AKR1C8: variants seen among roughly 807,000 people sequenced by gnomAD.
AKR1C8 encodes aldo-keto reductase family 1 member C-like protein 1.
the AKR1C8 span, among the ~76,000 whole-genome samples, chr10:5,167,742 C>A: frequency 2.0e-5 from 3 of 151,498 alleles, no homozygotes; most frequent in Non-Finnish European, 4.4e-5. Flanking sequence ...AAGTAACCTG[C>A]ACATTGTGCA....
At chr10:5,123,813 C>T in the AKR1C8 span, 150 of 1,611,476 alleles carry the variant, frequency 9.3e-5, no homozygotes, top group Middle Eastern at 1.2e-3. Context: ...GTAAGGATGA[C>T]ATTCCACCTG....
the AKR1C8 span, among the ~76,000 whole-genome samples, chr10:5,164,327 C>T: frequency 2.0e-5 from 3 of 152,206 alleles, no homozygotes; most frequent in Non-Finnish European, 4.4e-5. Flanking sequence ...CCCCTCTCTA[C>T]TATAGAGAGC....
chr10:5,177,032 G>C, the AKR1C8 span, among the ~76,000 whole-genome samples: 1 of 151,972 alleles, frequency 6.6e-6, no homozygotes, highest in Non-Finnish European at 1.5e-5. Flanking sequence ...GGAGTGGTAA[G>C]AGAGGGCATC....
the AKR1C8 span, among the ~76,000 whole-genome samples, chr10:5,176,502 C>G: frequency 6.7e-6 from 1 of 149,850 alleles, no homozygotes; most frequent in African/African-American, 2.5e-5. Flanking sequence ...TAGTTTTTTC[C>G]AATTCTGTGA....
At chr10:5,117,196 C>A in the AKR1C8 span, among the ~76,000 whole-genome samples, 1 of 151,718 alleles carries the variant, frequency 6.6e-6, no homozygotes, top group African/African-American at 2.4e-5. Context: ...TACAAAATAG[C>A]CACATTTAAT....
chr10:5,185,070 C>T, the AKR1C8 span: 2 of 534,760 alleles, frequency 3.7e-6, no homozygotes, highest in Non-Finnish European at 7.7e-6. Flanking sequence ...ATCATTCAGC[C>T]TCACTGAATG....
chr10:5,152,806 C>T, the AKR1C8 span, among the ~76,000 whole-genome samples: 1 of 151,948 alleles, frequency 6.6e-6, no homozygotes, highest in African/African-American at 2.4e-5. Flanking sequence ...TTTCATTGGC[C>T]CTTCAGAGTG....
the AKR1C8 span, among the ~76,000 whole-genome samples, chr10:5,155,983 C>A: frequency 6.6e-6 from 1 of 152,158 alleles, no homozygotes; most frequent in Non-Finnish European, 1.5e-5. Flanking sequence ...GGCTCCACTT[C>A]TCAAAAGAAA....
chr10:5,167,477 C>T, the AKR1C8 span, among the ~76,000 whole-genome samples: 1 of 152,150 alleles, frequency 6.6e-6, no homozygotes, highest in Non-Finnish European at 1.5e-5. Flanking sequence ...AGTTCATGTC[C>T]TTTGTAGGGA....
chr10:5,143,654 A>C, the AKR1C8 span, among the ~76,000 whole-genome samples: 1 of 150,226 alleles, frequency 6.7e-6, no homozygotes, highest in South Asian at 2.1e-4. Context: ...ACATGTATAT[A>C]TAATACATGT....
the AKR1C8 span, among the ~76,000 whole-genome samples, chr10:5,122,569 A>G: frequency 2.1e-3 from 320 of 152,254 alleles, no homozygotes; most frequent in African/African-American, 7.3e-3. Flanking sequence ...AGACTGAGCA[A>G]CCCTTAAAAC....
chr10:5,184,937 G>A, the AKR1C8 span: 1 of 499,812 alleles, frequency 2.0e-6, no homozygotes, highest in Non-Finnish European at 4.1e-6. Context: ...CTACCCAAGT[G>A]CAGGGCTCTT....
the AKR1C8 span, among the ~76,000 whole-genome samples, chr10:5,156,925 G>A: frequency 6.6e-6 from 1 of 152,230 alleles, no homozygotes; most frequent in East Asian, 1.9e-4. Flanking sequence ...ATTCTTGTGG[G>A]ATTCAAAACA....
At chr10:5,119,086 C>A in the AKR1C8 span, among the ~76,000 whole-genome samples, 1 of 152,198 alleles carries the variant, frequency 6.6e-6, no homozygotes, top group Non-Finnish European at 1.5e-5. Context: ...TTGTTTCATT[C>A]ATAATCTACA....
the AKR1C8 span, chr10:5,123,515 G>C: frequency 3.6e-6 from 2 of 562,332 alleles, no homozygotes; most frequent in South Asian, 5.9e-5. Flanking sequence ...ACAGACTAAG[G>C]TGTTCATTCT....
At chr10:5,170,095 G>T in the AKR1C8 span, among the ~76,000 whole-genome samples, 1 of 152,062 alleles carries the variant, frequency 6.6e-6, no homozygotes, top group Non-Finnish European at 1.5e-5. Flanking sequence ...GACACCCTTA[G>T]TTATTAGTTG....
chr10:5,170,648 G>T, the AKR1C8 span, among the ~76,000 whole-genome samples: 2 of 152,054 alleles, frequency 1.3e-5, no homozygotes, highest in African/African-American at 4.8e-5. Context: ...ACTTACCATG[G>T]ATCAGAAACC....
chr10:5,184,851 T>C, the AKR1C8 span, among the ~76,000 whole-genome samples: 1 of 152,158 alleles, frequency 6.6e-6, no homozygotes, highest in Non-Finnish European at 1.5e-5. Context: ...GCAAAAAAGA[T>C]CTCTGTGACC....
the AKR1C8 span, among the ~76,000 whole-genome samples, chr10:5,165,602 G>A: frequency 6.6e-6 from 1 of 152,116 alleles, no homozygotes; most frequent in Non-Finnish European, 1.5e-5. Context: ...CGGGAGGACA[G>A]CCATTCAATC....
Sources: allele counts gnomAD v4.1 joint callset (sites outside exome capture counted in the v4.1 genomes callset), GRCh38; gene constraint gnomAD v4.1.1; transcripts MANE v1.5; gene names NCBI Gene and HGNC (gene_info 2026-07-23, HGNC 2026-07-21).